Variants in DPP10 observed in about 807,000 individuals in gnomAD.
DPP10 encodes dipeptidyl peptidase like 10, also known as inactive dipeptidyl peptidase 10.
In DPP10, 33 loss-of-function variants were observed where a neutral mutation model predicts 120.9. The ratio of observed to expected loss-of-function variants is 0.27; its 90% CI spans 0.21 to 0.37. The LOEUF is 0.37. Ranked by LOEUF, DPP10 falls within the 10% of genes least tolerant of loss-of-function variation. DPP10 has a pLI of 1.00. For synonymous variants in DPP10, 337 were observed against 326.1 expected, an observed-to-expected ratio of 1.03 and a Z score of -0.36; for missense variants, 816 against 942.8, an observed-to-expected ratio of 0.87 and a Z score of 1.76.
chr2:114,730,852 A>G lies in DPP10; in HGVS notation c.60+288014A>G, dbSNP rs370108454. The stretch of plus-strand genomic sequence containing the variant: ...CAATCCAACTGCCTTGGCCTCACAA[A>G]GTGCTGGGATTACAGGCCTGAGCAA... On this transcript the variant is annotated intron_variant, in intron 1 of 25. Transcript: ENST00000410059. Among the ~76,000 whole-genome samples the G allele has an allele frequency of 2.0e-4, 30 of 151,524 alleles. No individual in the cohort carries two copies. In the South Asian group the frequency reaches 4.6e-3, roughly 23 times the overall value.
chr2:114,479,702 A>G (rs1402158116), intron 1 of DPP10, among the ~76,000 whole-genome samples: 2 of 152,222 alleles, frequency 1.3e-5, no homozygotes, highest in Non-Finnish European at 2.9e-5. Flanking sequence ...TACACCTTAT[A>G]CAAAAGTTAA....
At chr2:115,796,003 A>T (rs942160745) in intron 19 of DPP10, among the ~76,000 whole-genome samples, 1 of 151,974 alleles carries the variant, frequency 6.6e-6, no homozygotes, top group African/African-American at 2.4e-5. Context: ...TCCTATCTAA[A>T]ATCTTCTCAT....
intron 7 of DPP10, among the ~76,000 whole-genome samples, chr2:115,719,535 A>G (rs2092591453): frequency 6.6e-6 from 1 of 152,202 alleles, no homozygotes; most frequent in Non-Finnish European, 1.5e-5. Context: ...TTTAAGACCA[A>G]AATGTCAGAG....
chr2:115,050,544 T>C (rs1187154403), intron 1 of DPP10, among the ~76,000 whole-genome samples: 1 of 151,574 alleles, frequency 6.6e-6, no homozygotes, highest in Non-Finnish European at 1.5e-5. Context: ...GGGAAGTGAA[T>C]AAAAGTTGGG....
intron 1 of DPP10, among the ~76,000 whole-genome samples, chr2:114,770,085 T>C (rs889764869): frequency 8.5e-5 from 13 of 152,148 alleles, no homozygotes; most frequent in African/African-American, 3.1e-4. Flanking sequence ...CATTTTGTTG[T>C]TGTTGTTGTT....
chr2:115,105,394 G>C (rs2048896768), intron 1 of DPP10, among the ~76,000 whole-genome samples: 2 of 150,378 alleles, frequency 1.3e-5, no homozygotes, highest in African/African-American at 4.9e-5. Flanking sequence ...CATAGGAAAG[G>C]AAAAAGGGGA....
At chr2:115,383,046 A>G (rs1328152766) in intron 3 of DPP10, among the ~76,000 whole-genome samples, 2 of 152,224 alleles carry the variant, frequency 1.3e-5, no homozygotes, top group African/African-American at 4.8e-5. Context: ...AGTGTTCCAG[A>G]AAAGAATCTA....
At chr2:115,379,050 G>A (rs1214529771) in intron 3 of DPP10, among the ~76,000 whole-genome samples, 3 of 152,130 alleles carry the variant, frequency 2.0e-5, no homozygotes, top group Admixed American at 1.3e-4. Flanking sequence ...TTGGTATCAG[G>A]ATGATGCTGG....
chr2:114,955,500 G>A (rs536065850), intron 1 of DPP10, among the ~76,000 whole-genome samples: 8 of 152,232 alleles, frequency 5.3e-5, no homozygotes, highest in African/African-American at 1.4e-4. Context: ...CTTCACAGCC[G>A]AATTCTACCA....
chr2:115,332,063 T>A (rs2106176720), intron 2 of DPP10, among the ~76,000 whole-genome samples: 1 of 152,262 alleles, frequency 6.6e-6, no homozygotes, highest in East Asian at 1.9e-4. Flanking sequence ...CTGGACTTTT[T>A]TTGGTTGGTA....
intron 1 of DPP10, among the ~76,000 whole-genome samples, chr2:114,812,618 A>ACAC (rs1558766410): frequency 6.7e-6 from 1 of 149,864 alleles, no homozygotes; most frequent in Non-Finnish European, 1.5e-5. Flanking sequence ...ACACACACAC[A>ACAC]ATTATAATTA....
At chr2:114,557,920 C>T (rs1688452806) in intron 1 of DPP10, among the ~76,000 whole-genome samples, 2 of 152,110 alleles carry the variant, frequency 1.3e-5, no homozygotes, top group African/African-American at 4.8e-5. Context: ...ATTTTGGAGT[C>T]TTGAATTCTT....
chr2:115,075,551 A>G (rs1478332246), intron 1 of DPP10, among the ~76,000 whole-genome samples: 3 of 152,236 alleles, frequency 2.0e-5, no homozygotes, highest in Non-Finnish European at 2.9e-5. Flanking sequence ...CCTTGAAAAA[A>G]TAATTCTCAT....
chr2:115,571,069 C>T (rs775470107), intron 5 of DPP10, among the ~76,000 whole-genome samples: 6 of 152,124 alleles, frequency 3.9e-5, no homozygotes, highest in African/African-American at 9.7e-5. Context: ...GAAGCCAGGA[C>T]GAGTTCCTAT....
chr2:114,552,364 G>A (rs1270585779), intron 1 of DPP10, among the ~76,000 whole-genome samples: 1 of 152,078 alleles, frequency 6.6e-6, no homozygotes, highest in African/African-American at 2.4e-5. Context: ...GTATTTTCCG[G>A]CTGTCTAGTC....
chr2:115,440,148 T>C (rs2071892395), intron 3 of DPP10, among the ~76,000 whole-genome samples: 2 of 151,994 alleles, frequency 1.3e-5, no homozygotes, highest in Non-Finnish European at 2.9e-5. Flanking sequence ...AGATAATATG[T>C]GTGTGTGCGT....
intron 1 of DPP10, among the ~76,000 whole-genome samples, chr2:114,516,320 G>T (rs905669650): frequency 2.0e-4 from 31 of 152,342 alleles, no homozygotes; most frequent in African/African-American, 7.5e-4. Context: ...CCAAATTTCA[G>T]TCAGAGAGTA....
chr2:115,111,906 T>C (rs2049243647), intron 1 of DPP10, among the ~76,000 whole-genome samples: 1 of 152,226 alleles, frequency 6.6e-6, no homozygotes, highest in Admixed American at 6.5e-5. Flanking sequence ...TAGTACTCAG[T>C]GTCTGATGGG....
At position 114,508,530 on chromosome 2, in the gene DPP10, G is replaced by A. The variant is rs181153992; in HGVS notation, c.60+65692G>A. Among the ~76,000 whole-genome samples, 5 of 152,194 alleles carry A rather than the reference G, an allele frequency of 3.3e-5. No individual in the cohort carries two copies. The East Asian group carries it at 9.7e-4, about 29-fold the overall frequency. ...GGGTTGTTTTAATTTTTGGCTTTAGGAATACTGTTGCTATAAACACTTGAT... is the reference window on the plus strand; with the variant it reads ...GGGTTGTTTTAATTTTTGGCTTTAGAAATACTGTTGCTATAAACACTTGAT... On this transcript the variant is annotated intron_variant, in intron 1 of 25. Coordinates refer to ENST00000410059, the MANE Select transcript of DPP10 (RefSeq NM_020868.6).
Sources: allele counts gnomAD v4.1 joint callset (sites outside exome capture counted in the v4.1 genomes callset), GRCh38; gene constraint gnomAD v4.1.1; transcripts MANE v1.5; gene names NCBI Gene and HGNC (gene_info 2026-07-23, HGNC 2026-07-21).